Variants in PUDP observed in about 807,000 individuals in gnomAD.
The protein encoded by PUDP is pseudouridine-5'-phosphatase.
In PUDP, 8 loss-of-function variants were observed where a neutral mutation model predicts 9.4. The ratio of observed to expected loss-of-function variants is 0.85; its 90% CI spans 0.50 to 1.53. The LOEUF is 1.53. PUDP is among the 40% of genes most tolerant of loss of function. The probability of loss-of-function intolerance (pLI) is 0.00; values close to 1 mark genes in which losing one functional copy is unlikely to be tolerated. For missense variants in PUDP, 188 were observed against 189.7 expected, an observed-to-expected ratio of 0.99 and a Z score of 0.05; for synonymous variants, 99 against 80.7, an observed-to-expected ratio of 1.23 and a Z score of -1.22.
intron 3 of PUDP, among the ~76,000 whole-genome samples, chrX:6,750,373 G>C (rs189464020): frequency 4.5e-5 from 5 of 111,400 alleles, no homozygotes; most frequent in Admixed American, 3.8e-4. Context: ...TTTGGAAATA[G>C]GACTTTGGAT....
At chrX:6,828,197 C>T (rs1926452099) in intron 3 of PUDP, among the ~76,000 whole-genome samples, 1 of 111,265 alleles carries the variant, frequency 9.0e-6, no homozygotes, top group African/African-American at 3.3e-5. Context: ...GTTTCATAGC[C>T]AACACCCAGT....
chrX:6,881,870 T>C (rs1429411828), intron 3 of PUDP, among the ~76,000 whole-genome samples: 1 of 111,169 alleles, frequency 9.0e-6, no homozygotes, highest in Non-Finnish European at 1.9e-5. Context: ...TAAAATCTGA[T>C]AAAATCTTAG....
intron 3 of PUDP, among the ~76,000 whole-genome samples, chrX:6,751,894 C>A (rs748918496): frequency 1.8e-5 from 2 of 111,051 alleles, no homozygotes; most frequent in East Asian, 5.7e-4. Flanking sequence ...TATGAGGCAG[C>A]ATCACCTGTG....
chrX:6,992,020 G>A (rs2146805037), intron 1 of PUDP, among the ~76,000 whole-genome samples: 1 of 111,039 alleles, frequency 9.0e-6, no homozygotes, highest in Admixed American at 9.6e-5. Flanking sequence ...AGGTCTAAAT[G>A]TTCCTGAGTT....
At chrX:6,788,025 C>T (rs1014929696) in intron 3 of PUDP, among the ~76,000 whole-genome samples, 1 of 111,439 alleles carries the variant, frequency 9.0e-6, no homozygotes, top group Non-Finnish European at 1.9e-5. Flanking sequence ...TTCAAAGTGT[C>T]GGGGGGAGAA....
At chrX:6,907,028 A>C (rs992902740) in intron 3 of PUDP, among the ~76,000 whole-genome samples, 1 of 110,916 alleles carries the variant, frequency 9.0e-6, no homozygotes, top group Non-Finnish European at 1.9e-5. Context: ...TCTCTACTTG[A>C]TATGGTTTGG....
chrX:7,075,574 C>G (rs1930870513), intron 3 of PUDP, among the ~76,000 whole-genome samples: 2 of 111,821 alleles, frequency 1.8e-5, no homozygotes, highest in East Asian at 5.7e-4. Flanking sequence ...AGGGAGGGCA[C>G]CTTGGCCTGG....
intron 3 of PUDP, among the ~76,000 whole-genome samples, chrX:6,931,221 T>C (rs1483885224): frequency 1.8e-5 from 2 of 112,393 alleles, no homozygotes; most frequent in Non-Finnish European, 3.7e-5. Context: ...TCATTGTTTA[T>C]TGATTTGGAA....
At chrX:6,860,271 T>G (rs760116508) in intron 3 of PUDP, among the ~76,000 whole-genome samples, 25 of 110,740 alleles carry the variant, frequency 2.3e-4, no homozygotes, top group African/African-American at 8.2e-4. Flanking sequence ...TGTGAGCCAT[T>G]GTGCTTGACC....
At chrX:7,023,231 G>C (rs184364929) in intron 1 of PUDP, among the ~76,000 whole-genome samples, 1 of 111,877 alleles carries the variant, frequency 8.9e-6, no homozygotes, top group Admixed American at 9.5e-5. Flanking sequence ...AACCCAAACT[G>C]AGCAGATCGC....
At position 7,055,545 on chromosome X, in the gene PUDP, C is replaced by T. The variant is rs143196866; in HGVS notation, c.511-5073G>A. Among the ~76,000 whole-genome samples, 57 of 111,139 alleles carry T rather than the reference C, an allele frequency of 5.1e-4. 1 individual carries two copies. The East Asian group carries it at 0.014, about 26-fold the overall frequency. ...TGCTGGGATTACAGGCGTGACCCAC[C>T]GTGCCCAGCCCCAAAAGATTTTTAT... On this transcript the variant is annotated intron_variant, in intron 3 of 3. Transcript: ENST00000381077.
At chrX:6,766,289 G>A (rs1925284711) in intron 3 of PUDP, among the ~76,000 whole-genome samples, 1 of 111,894 alleles carries the variant, frequency 8.9e-6, no homozygotes, top group African/African-American at 3.2e-5. Context: ...ATCTTGGAGT[G>A]CCAGGAAGGA....
intron 3 of PUDP, among the ~76,000 whole-genome samples, chrX:6,967,888 A>T (rs999209949): frequency 2.7e-5 from 3 of 111,915 alleles, no homozygotes; most frequent in Non-Finnish European, 5.6e-5. Context: ...TAAAACCCCC[A>T]TTCCAGAGAG....
intron 3 of PUDP, among the ~76,000 whole-genome samples, chrX:7,061,955 C>T (rs1203802818): frequency 8.9e-6 from 1 of 112,022 alleles, no homozygotes; most frequent in Non-Finnish European, 1.9e-5. Flanking sequence ...GGGACTGGGA[C>T]TAGCACCTTA....
intron 1 of PUDP, among the ~76,000 whole-genome samples, chrX:7,027,546 A>AAT (rs1188078181): frequency 9.7e-6 from 1 of 103,563 alleles, no homozygotes; most frequent in Non-Finnish European, 1.9e-5. Flanking sequence ...TATATGTGTG[A>AAT]ATATATATAT....
At chrX:7,095,212 C>T (rs1931539062) in intron 2 of PUDP, among the ~76,000 whole-genome samples, 1 of 112,456 alleles carries the variant, frequency 8.9e-6, no homozygotes, top group African/African-American at 3.2e-5. Context: ...TCATTCCCCA[C>T]CTGGGTTCGA....
intron 3 of PUDP, among the ~76,000 whole-genome samples, chrX:6,961,314 A>G (rs1333595185): frequency 9.0e-6 from 1 of 110,631 alleles, no homozygotes; most frequent in African/African-American, 3.3e-5. Flanking sequence ...TGAGCCTGGG[A>G]TGTGAAGACT....
At chrX:7,005,761 C>A (rs1468496489) in intron 1 of PUDP, among the ~76,000 whole-genome samples, 1 of 111,060 alleles carries the variant, frequency 9.0e-6, no homozygotes, top group African/African-American at 3.3e-5. Context: ...CATTGTACAA[C>A]CATCAGCGCC....
intron 3 of PUDP, among the ~76,000 whole-genome samples, chrX:6,861,793 C>T (rs774910809): frequency 3.6e-5 from 4 of 111,155 alleles, no homozygotes; most frequent in Non-Finnish European, 5.7e-5. Flanking sequence ...GGGGCTTAGT[C>T]ACTCTCACCC....
Sources: allele counts gnomAD v4.1 joint callset (sites outside exome capture counted in the v4.1 genomes callset), GRCh38; gene constraint gnomAD v4.1.1; transcripts MANE v1.5; gene names NCBI Gene and HGNC (gene_info 2026-07-23, HGNC 2026-07-21).